Variants in OSBPL8 observed in about 807,000 individuals in gnomAD.
OSBPL8 encodes the protein oxysterol-binding protein-related protein 8.
In OSBPL8, 59 loss-of-function variants were observed where a neutral mutation model predicts 125.5. The ratio of observed to expected loss-of-function variants is 0.47; its 90% CI spans 0.38 to 0.58. OSBPL8 has a LOEUF of 0.58. Among genes scored for constraint, OSBPL8 ranks in the 20% least tolerant of loss-of-function variants. OSBPL8 has a pLI of 0.00. For missense variants in OSBPL8, 758 were observed against 1,047.8 expected, an observed-to-expected ratio of 0.72 and a Z score of 3.82; for synonymous variants, 330 against 338.9, an observed-to-expected ratio of 0.97 and a Z score of 0.29.
chr12:76,464,070 TA>T (rs1466711349), intron 2 of OSBPL8, among the ~76,000 whole-genome samples: 1 of 152,268 alleles, frequency 6.6e-6, no homozygotes, highest in African/African-American at 2.4e-5. Context: ...TTAAAGAACC[TA>T]AATAGAGCTA....
intron 1 of OSBPL8, among the ~76,000 whole-genome samples, chr12:76,500,027 G>C (rs1879738335): frequency 6.6e-6 from 1 of 151,950 alleles, no homozygotes; most frequent in Non-Finnish European, 1.5e-5. Context: ...CTCTATCTTT[G>C]CCCCTGCCTT....
chr12:76,386,106 T>C, intron 14 of OSBPL8, 62 bp downstream of exon 14: 15 of 1,544,438 alleles, frequency 9.7e-6, no homozygotes, highest in Non-Finnish European at 1.3e-5. Flanking sequence ...GTAAATATTT[T>C]CTATAAAAAT....
chr12:76,522,988 C>A (rs1279488951), intron 1 of OSBPL8, among the ~76,000 whole-genome samples: 1 of 152,148 alleles, frequency 6.6e-6, no homozygotes. Context: ...CAGGCGCATA[C>A]CACCACGCCT....
In OSBPL8 at chr12:76,375,294, TG is replaced by T; in HGVS notation, c.1805del (p.Ala602GlufsTer7). On this transcript the variant is annotated frameshift_variant, in exon 17 of 24. Transcript: ENST00000261183. LOFTEE classifies it high-confidence loss of function. ...TAACCTTTAGTTTAAATTCAAGTATTGCACTGTATCCAGTTTTTTGACATGT... is the reference window on the plus strand; with the variant it reads ...TAACCTTTAGTTTAAATTCAAGTATTCACTGTATCCAGTTTTTTGACATGT... ...NITCQKTGYS[A>X]ILEFKLKPFL... 1 of 1,609,606 alleles carries T rather than the reference TG, an allele frequency of 6.2e-7. No individual in the cohort carries two copies. The highest frequency in any genetic ancestry group is 8.5e-7 in the Non-Finnish European group (1 of 1,176,760).
At chr12:76,422,389 C>T (rs1288387482) in intron 4 of OSBPL8, 3 of 361,748 alleles carry the variant, frequency 8.3e-6, no homozygotes, top group Non-Finnish European at 1.6e-5. Context: ...GTTACTGAAA[C>T]CTAAGCTTTC....
At chr12:76,554,118 G>A (rs558725096) in intron 1 of OSBPL8, among the ~76,000 whole-genome samples, 5 of 151,342 alleles carry the variant, frequency 3.3e-5, no homozygotes, top group East Asian at 3.9e-4. Flanking sequence ...CAGTTACTCC[G>A]AAATTCTCTG....
At chr12:76,509,973 A>C (rs1880811932) in intron 1 of OSBPL8, among the ~76,000 whole-genome samples, 1 of 152,234 alleles carries the variant, frequency 6.6e-6, no homozygotes, top group Non-Finnish European at 1.5e-5. Flanking sequence ...GATATTCCCA[A>C]AAACACTGCC....
intron 2 of OSBPL8, among the ~76,000 whole-genome samples, chr12:76,478,798 G>C (rs572112154): frequency 7.9e-5 from 12 of 152,106 alleles, no homozygotes; most frequent in Admixed American, 7.2e-4. Context: ...TAAACAAAGT[G>C]TAACAGGCCG....
chr12:76,542,320 C>T (rs1309381127), intron 1 of OSBPL8, among the ~76,000 whole-genome samples: 1 of 152,226 alleles, frequency 6.6e-6, no homozygotes, highest in Non-Finnish European at 1.5e-5. Context: ...CTCAGGGTTT[C>T]ATTCTAGTAG....
chr12:76,362,856 T>C (rs144960913), intron 21 of OSBPL8, among the ~76,000 whole-genome samples: 2,765 of 152,274 alleles, frequency 0.018, 40 homozygotes, highest in Non-Finnish European at 0.029. Flanking sequence ...AAAAAATCAA[T>C]GTGCAAAAAT....
intron 17 of OSBPL8, among the ~76,000 whole-genome samples, chr12:76,373,703 T>A (rs74103408): frequency 4.0e-4 from 54 of 135,184 alleles, no homozygotes; most frequent in Middle Eastern, 3.6e-3. Context: ...AACTGACTCA[T>A]GTTCCATGTA....
At chr12:76,447,341 T>G (rs1248042765) in intron 4 of OSBPL8, among the ~76,000 whole-genome samples, 1 of 152,200 alleles carries the variant, frequency 6.6e-6, no homozygotes, top group Non-Finnish European at 1.5e-5. Flanking sequence ...AAGTGAATTC[T>G]TATGTGATGC....
intron 1 of OSBPL8, among the ~76,000 whole-genome samples, chr12:76,532,480 T>C (rs1425479617): frequency 6.6e-6 from 1 of 152,200 alleles, no homozygotes; most frequent in Non-Finnish European, 1.5e-5. Context: ...ATGGCAAATC[T>C]ATAAAGGCTG....
In OSBPL8 at chr12:76,529,067, GT is replaced by G. The variant is rs992123588; in HGVS notation, c.-68+30329del. ...TTCATTTCAATCTTAGTTTTGTTTTGTTTTTTTTTAACTATGACAAAGCTAA... is the reference window on the plus strand; with the variant it reads ...TTCATTTCAATCTTAGTTTTGTTTTGTTTTTTTTAACTATGACAAAGCTAA... On this transcript the variant is annotated intron_variant, in intron 1 of 23. Transcript: ENST00000261183. 1.6e-4 allele frequency among the ~76,000 whole-genome samples: 23 copies of G among 148,170 alleles called. No individual in the cohort carries two copies. In the East Asian group the frequency reaches 3.7e-3, roughly 24 times the overall value.
At chr12:76,480,721 C>T (rs187487871) in intron 2 of OSBPL8, among the ~76,000 whole-genome samples, 361 of 152,276 alleles carry the variant, frequency 2.4e-3, no homozygotes, top group African/African-American at 8.2e-3. Context: ...CCTGGGCAGA[C>T]CACAGACTTT....
intron 1 of OSBPL8, among the ~76,000 whole-genome samples, chr12:76,504,604 A>G (rs1298541849): frequency 6.6e-6 from 1 of 152,218 alleles, no homozygotes; most frequent in Non-Finnish European, 1.5e-5. Flanking sequence ...AACCAACTCC[A>G]TCTTGCCTTT....
rs558020770 is a variant in OSBPL8, at chr12:76,432,753, A to G, written c.217+18098T>C. 4.6e-5 allele frequency among the ~76,000 whole-genome samples: 7 copies of G among 152,248 alleles called. No homozygotes were observed. In the East Asian group the frequency reaches 1.3e-3, roughly 29 times the overall value. On this transcript the variant is annotated intron_variant, in intron 4 of 23. Transcript: ENST00000261183. ...ATACAAAAAGGAGTTTTTTGAAAAG[A>G]TAAAATCAACAAACTCTTAGCTAGA...
chr12:76,431,722 C>A (rs1592671014), intron 4 of OSBPL8, among the ~76,000 whole-genome samples: 1 of 152,052 alleles, frequency 6.6e-6, no homozygotes. Flanking sequence ...TATATATGCA[C>A]CCAACTTCAA....
At chr12:76,420,355 G>A (rs919171503) in intron 4 of OSBPL8, among the ~76,000 whole-genome samples, 3 of 151,938 alleles carry the variant, frequency 2.0e-5, no homozygotes, top group Non-Finnish European at 2.9e-5. Flanking sequence ...CAATTTGTAC[G>A]TACTGTTCTA....
Sources: gnomAD v4.1 joint callset for allele counts (sites outside exome capture counted in the v4.1 genomes callset) on GRCh38, gnomAD v4.1.1 for gene constraint, MANE v1.5 for transcripts, NCBI Gene and HGNC (gene_info 2026-07-23, HGNC 2026-07-21) for gene names.